Variants in LMO7 observed in about 807,000 individuals in gnomAD.
LMO7 encodes the protein LIM domain 7, also known as LIM domain only protein 7.
In LMO7, 120 loss-of-function variants were observed where a neutral mutation model predicts 206.5. The observed-to-expected ratio is 0.58, with a 90% CI of 0.50 to 0.68. The LOEUF is 0.68. Among genes scored for constraint, LMO7 ranks in the 30% least tolerant of loss-of-function variants. LMO7 has a pLI of 0.00. For missense variants in LMO7, 1,959 were observed against 1,957.9 expected (o/e 1.00, Z -0.01); for synonymous variants, 706 against 681.5 (o/e 1.04, Z -0.56).
intron 6 of LMO7, among the ~76,000 whole-genome samples, chr13:75,799,309 A>G (rs910805462): frequency 5.3e-5 from 8 of 152,246 alleles, no homozygotes; most frequent in African/African-American, 1.9e-4. Flanking sequence ...AAGTTGAAAG[A>G]AGAGTACAAC....
At chr13:75,781,167 T>G (rs2051351731) in intron 4 of LMO7, among the ~76,000 whole-genome samples, 1 of 147,914 alleles carries the variant, frequency 6.8e-6, no homozygotes, top group Non-Finnish European at 1.5e-5. Flanking sequence ...AGGGTACATG[T>G]GCACATTGTG....
At chr13:75,671,221 T>A (rs1452068932) in intron 1 of LMO7, among the ~76,000 whole-genome samples, 2 of 151,602 alleles carry the variant, frequency 1.3e-5, no homozygotes, top group African/African-American at 2.4e-5. Context: ...TTTTTTTTTT[T>A]AATAAGTACA....
At chr13:75,659,250 C>A (rs900973609) in intron 1 of LMO7, among the ~76,000 whole-genome samples, 1 of 152,090 alleles carries the variant, frequency 6.6e-6, no homozygotes, top group Non-Finnish European at 1.5e-5. Flanking sequence ...TCATTACAAT[C>A]GAATATTGAA....
At chr13:75,825,607 C>G (rs534895571) in intron 15 of LMO7, among the ~76,000 whole-genome samples, 36 of 152,210 alleles carry the variant, frequency 2.4e-4, no homozygotes, top group African/African-American at 8.4e-4. Flanking sequence ...ACAAGTGAAG[C>G]CATTGGAATT....
At chr13:75,768,010 A>G (rs1049864981) in intron 4 of LMO7, among the ~76,000 whole-genome samples, 25 of 152,084 alleles carry the variant, frequency 1.6e-4, no homozygotes, top group African/African-American at 6.0e-4. Context: ...TTGGCAAATC[A>G]TATCATTTGG....
At chr13:75,813,100 C>G (rs1185400347) in intron 11 of LMO7, among the ~76,000 whole-genome samples, 1 of 152,212 alleles carries the variant, frequency 6.6e-6, no homozygotes, top group African/African-American at 2.4e-5. Context: ...TTCACGTAGA[C>G]TGCTTGGCGA....
chr13:75,805,802 A>G (rs944382338), intron 9 of LMO7, 42 bp downstream of exon 9: 7 of 1,592,138 alleles, frequency 4.4e-6, no homozygotes, highest in South Asian at 3.4e-5. Flanking sequence ...GTGTTCATTC[A>G]GTACCCCAGC....
Position 75,817,264 on chromosome 13 carries a change from C to A in LMO7, c.2050C>A (p.Gln684Lys). 6.2e-7 allele frequency: 1 copy of A among 1,605,380 alleles called. No homozygotes were observed. Among genetic ancestry groups the A allele is most frequent in the South Asian group, 1.1e-5 (1 of 90,890 alleles). The change falls in exon 12 of 31, where the codon CAG becomes AAG. Residue 684 changes from glutamine to lysine, a missense_variant. Gln to Lys is a moderately conservative substitution (Grantham distance 53). Coordinates refer to ENST00000377534, the MANE Select transcript of LMO7 (RefSeq NM_001306080.2). ...KIKSQLKEQD[Q>K]KWQDDLAKWK... is the part of the protein sequence containing the mutation. ...AAAATCACAATTAAAAGAACAAGAT[C>A]AGAAATGGCAGGATGTGAGTATTTT...
intron 1 of LMO7, among the ~76,000 whole-genome samples, chr13:75,696,218 G>A (rs2041891480): frequency 6.6e-6 from 1 of 152,146 alleles, no homozygotes; most frequent in African/African-American, 2.4e-5. Flanking sequence ...AGCCGGGCAT[G>A]GTGGTGTGTG....
chr13:75,791,914 T>A (rs780280174), intron 4 of LMO7, among the ~76,000 whole-genome samples: 1 of 152,144 alleles, frequency 6.6e-6, no homozygotes, highest in Admixed American at 6.5e-5. Context: ...TATTGCAGAC[T>A]TGGGTTTCAA....
chr13:75,704,306 G>C (rs920290048), intron 1 of LMO7, among the ~76,000 whole-genome samples: 1 of 152,148 alleles, frequency 6.6e-6, no homozygotes, highest in African/African-American at 2.4e-5. Flanking sequence ...TACCACAGTG[G>C]TTTCTAACGT....
Position 75,638,052 on chromosome 13 carries a change from A to G in LMO7, c.69+1326A>G, listed in dbSNP as rs535546283. 3.3e-5 allele frequency among the ~76,000 whole-genome samples: 5 copies of G among 152,354 alleles called. No homozygotes were observed. In the South Asian group the frequency reaches 1.0e-3, roughly 32 times the overall value. On this transcript the variant is annotated intron_variant, in intron 1 of 30. Coordinates refer to ENST00000377534, the MANE Select transcript of LMO7 (RefSeq NM_001306080.2). Reference sequence around the variant, plus strand: ...CTCATTCATAAACTTTGAAAAGCCAAGACTTCCAACTGTAATTTTCCATTA... The same window carrying G: ...CTCATTCATAAACTTTGAAAAGCCAGGACTTCCAACTGTAATTTTCCATTA...
chr13:75,699,875 C>T (rs1011305940), intron 1 of LMO7, among the ~76,000 whole-genome samples: 7 of 152,324 alleles, frequency 4.6e-5, no homozygotes, highest in Admixed American at 4.6e-4. Context: ...CCTGGGGGCG[C>T]TGCAGGAGAC....
Position 75,740,231 on chromosome 13 carries a change from G to T in LMO7, c.210+13133G>T, listed in dbSNP as rs115271008. Reference sequence around the variant, plus strand: ...TCAAGCCGCATGTGTGTCTCAGAGGGAGTATCTCTCTAGTGGTAATAAGCA... The same window carrying T: ...TCAAGCCGCATGTGTGTCTCAGAGGTAGTATCTCTCTAGTGGTAATAAGCA... On this transcript the variant is annotated intron_variant, in intron 3 of 30. Coordinates refer to ENST00000377534, the MANE Select transcript of LMO7 (RefSeq NM_001306080.2). Among the ~76,000 whole-genome samples, 532 of 152,306 alleles carry T rather than the reference G, an allele frequency of 3.5e-3. 4 individuals are homozygous for T. Among genetic ancestry groups the T allele is most frequent in the African/African-American group, 0.012 (499 of 41,574 alleles).
chr13:75,847,366 A>G (rs2060087322), intron 26 of LMO7, among the ~76,000 whole-genome samples: 1 of 152,238 alleles, frequency 6.6e-6, no homozygotes, highest in South Asian at 2.1e-4. Flanking sequence ...ATTGTCATGA[A>G]TAAATTCAAC....
Position 75,805,511 on chromosome 13 carries a change from A to G in LMO7, c.947A>G (p.Glu316Gly), listed in dbSNP as rs145177369. 1.9e-6 allele frequency: 3 copies of G among 1,614,038 alleles called. No homozygotes were observed. Among genetic ancestry groups the G allele is most frequent in the East Asian group, 4.5e-5 (2 of 44,888 alleles). Residue 316 changes from glutamate (E) to glycine (G), a missense_variant, in exon 9 of 31, where the codon GAG (glutamate) becomes GGG (glycine). By Grantham distance (98) the Glu-to-Gly change is moderately conservative. Coordinates refer to ENST00000377534, the MANE Select transcript of LMO7 (RefSeq NM_001306080.2). ...NQRRIWGTNV[E>G]NWPTVQGTSK... ...AGGAGGATTTGGGGCACCAATGTGGAGAACTGGCCAACTGTACAAGGAACT... is the reference window on the plus strand; with the variant it reads ...AGGAGGATTTGGGGCACCAATGTGGGGAACTGGCCAACTGTACAAGGAACT...
chr13:75,840,334 T>C, intron 21 of LMO7, 57 bp from the exon 22 acceptor site: 1 of 1,591,260 alleles, frequency 6.3e-7, no homozygotes, highest in Non-Finnish European at 8.6e-7. Flanking sequence ...GTTCAGTAGA[T>C]GACTTAATGA....
intron 2 of LMO7, among the ~76,000 whole-genome samples, chr13:75,626,595 A>ATATATATATATATATATATTTTTTTTT: frequency 7.0e-5 from 5 of 71,176 alleles, no homozygotes; most frequent in Non-Finnish European, 1.4e-4. Context: ...ATATATATAA[A>ATATATATATATATATATATTTTTTTTT]TTTTTTTGAG....
At chr13:75,730,277 A>G (rs1424754653) in intron 3 of LMO7, among the ~76,000 whole-genome samples, 1 of 152,164 alleles carries the variant, frequency 6.6e-6, no homozygotes, top group Non-Finnish European at 1.5e-5. Flanking sequence ...TTTGGTTGGT[A>G]AGCTATTAAT....
Sources: allele counts gnomAD v4.1 joint callset (sites outside exome capture counted in the v4.1 genomes callset), GRCh38; gene constraint gnomAD v4.1.1; transcripts MANE v1.5; gene names NCBI Gene and HGNC (gene_info 2026-07-23, HGNC 2026-07-21).